Variants in CLEC19A observed in about 807,000 individuals in gnomAD.
The protein encoded by CLEC19A is C-type lectin domain family 19 member A.
In CLEC19A, 21 loss-of-function variants were observed where a neutral mutation model predicts 26.1. The observed-to-expected ratio is 0.80, with a 90% CI of 0.57 to 1.16. The LOEUF (loss-of-function observed/expected upper bound fraction) is 1.16, where lower values mean the gene tolerates loss of function less well. Ranked by LOEUF, CLEC19A falls within the 50% of genes most tolerant of loss-of-function variation. The pLI is 0.00. For synonymous variants in CLEC19A, 89 were observed against 88.6 expected (o/e 1.00, Z -0.03); for missense variants, 224 against 227.6 (o/e 0.98, Z 0.10).
intron 3 of CLEC19A, 80 bp from the exon 4 acceptor site, chr16:19,307,465 C>A: frequency 6.6e-7 from 1 of 1,508,026 alleles, no homozygotes; most frequent in South Asian, 1.2e-5. Context: ...GCTAAGACGT[C>A]TGAGCTGGAG....
Position 19,309,143 on chromosome 16 carries a change from T to C in CLEC19A, c.*60T>C, listed in dbSNP as rs1322913551. 7.9e-7 allele frequency: 1 copy of C among 1,273,578 alleles called. No individual in the cohort carries two copies. Among genetic ancestry groups the C allele is most frequent in the African/African-American group, 1.5e-5 (1 of 67,362 alleles). 78.9% of individuals were successfully genotyped at this position (1,273,578 alleles called of 1,614,324 possible). On this transcript the variant is annotated 3_prime_UTR_variant, in exon 5 of 5. Transcript: ENST00000636231. ...AGTATCATCTTGTAGCTGTAACCAG[T>C]GTAGAATTGACATTGAATACATGTA...
rs1898017401 is a variant in CLEC19A, at chr16:19,309,179, AG to A, written c.*98del. On this transcript the variant is annotated 3_prime_UTR_variant, in exon 5 of 5. Transcript: ENST00000636231. ...CATTGAATACATGTAAAACATACAT[AG>A]GAAGTAAATCTCTTGGACAGAGATT... 2 of 903,672 alleles carry A rather than the reference AG, an allele frequency of 2.2e-6. No homozygotes were observed. Among genetic ancestry groups the A allele is most frequent in the Admixed American group, 2.2e-5 (1 of 45,448 alleles). 56.0% of individuals were successfully genotyped at this position (903,672 alleles called of 1,614,324 possible).
chr16:19,289,735 G>A (rs955418400), intron 1 of CLEC19A, among the ~76,000 whole-genome samples: 2 of 152,214 alleles, frequency 1.3e-5, no homozygotes, highest in Non-Finnish European at 2.9e-5. Flanking sequence ...GTGGCCTCAG[G>A]AGTGGCTCAC....
In CLEC19A at chr16:19,303,455, T is replaced by C. The variant is rs1897877340; in HGVS notation, c.255-607T>C. Among the ~76,000 whole-genome samples, 5 of 152,320 alleles carry C rather than the reference T, an allele frequency of 3.3e-5. No homozygotes were observed. The South Asian group carries it at 1.0e-3, about 32-fold the overall frequency. On this transcript the variant is annotated intron_variant, in intron 2 of 4. Transcript: ENST00000636231. Reference sequence around the variant, plus strand: ...CTGATTCCTTTTGTTGGGTGAATTATTTGATAAGCTCTTTGAAATAGAGGA... The same window carrying C: ...CTGATTCCTTTTGTTGGGTGAATTACTTGATAAGCTCTTTGAAATAGAGGA...
At chr16:19,304,883 A>G (rs892163609) in intron 3 of CLEC19A, 20 of 152,670 alleles carry the variant, frequency 1.3e-4, no homozygotes, top group African/African-American at 4.1e-4. Flanking sequence ...AGAGCCTCAG[A>G]TCACAGCACA....
At chr16:19,289,461 T>G (rs908191981) in intron 1 of CLEC19A, among the ~76,000 whole-genome samples, 48 of 152,208 alleles carry the variant, frequency 3.2e-4, no homozygotes, top group Admixed American at 1.0e-3. Context: ...GAAGATATCT[T>G]TTAGAGGCGC....
At chr16:19,306,758 AC>A (rs1315205863) in intron 3 of CLEC19A, among the ~76,000 whole-genome samples, 9 of 142,794 alleles carry the variant, frequency 6.3e-5, no homozygotes, top group Non-Finnish European at 1.2e-4. Context: ...AGATGTGGAA[AC>A]TGGGGCTCAG....
At chr16:19,288,733 CATT>C (rs1246023751) in intron 1 of CLEC19A, among the ~76,000 whole-genome samples, 1 of 152,188 alleles carries the variant, frequency 6.6e-6, no homozygotes, top group African/African-American at 2.4e-5. Flanking sequence ...GCTACGTAAA[CATT>C]TATTATTCTT....
chr16:19,291,460 T>G (rs971520313), intron 1 of CLEC19A, among the ~76,000 whole-genome samples: 1 of 152,184 alleles, frequency 6.6e-6, no homozygotes, highest in African/African-American at 2.4e-5. Context: ...GGTTTCTTCA[T>G]CTGTGAAGTG....
At chr16:19,297,882 A>G (rs185035557) in intron 1 of CLEC19A, among the ~76,000 whole-genome samples, 125 of 152,300 alleles carry the variant, frequency 8.2e-4, no homozygotes, top group African/African-American at 2.7e-3. Flanking sequence ...GTAGGTATGT[A>G]TATGTTTTTT....
At chr16:19,287,601 C>T (rs1055392970) in intron 1 of CLEC19A, among the ~76,000 whole-genome samples, 1 of 152,114 alleles carries the variant, frequency 6.6e-6, no homozygotes, top group African/African-American at 2.4e-5. Context: ...CTCGTATATC[C>T]CAAGATCTTG....
intron 1 of CLEC19A, among the ~76,000 whole-genome samples, chr16:19,296,169 T>A (rs567476481): frequency 8.7e-4 from 133 of 152,134 alleles, no homozygotes; most frequent in African/African-American, 2.6e-3. Flanking sequence ...GATGGGGAGG[T>A]ACCCCTGGTC....
intron 3 of CLEC19A, chr16:19,304,528 T>C (rs960240106): frequency 2.8e-5 from 5 of 175,982 alleles, no homozygotes; most frequent in Non-Finnish European, 6.1e-5. Context: ...TGGTGAAACC[T>C]CGTCTCTACT....
rs139954275 is a variant in CLEC19A at position 19,299,162 on chromosome 16, T to C, written c.254+324T>C. On this transcript the variant is annotated intron_variant, in intron 2 of 4. Coordinates refer to ENST00000636231, the MANE Select transcript of CLEC19A (RefSeq NM_001256720.2). The stretch of plus-strand genomic sequence containing the variant: ...CATTCAGCAGGGGTAGCAAATAGCA[T>C]GCCAGAAGATCCACCTTTATAAGTG... Among the ~76,000 whole-genome samples the C allele has an allele frequency of 1.0e-3, 153 of 152,342 alleles. No individual in the cohort carries two copies. The East Asian group carries it at 0.023, about 23-fold the overall frequency.
chr16:19,288,041 AGTTT>A (rs1169684855), intron 1 of CLEC19A, among the ~76,000 whole-genome samples: 3 of 152,146 alleles, frequency 2.0e-5, no homozygotes, highest in African/African-American at 7.2e-5. Context: ...GAGAGCTCGC[AGTTT>A]GGAAATGGAA....
chr16:19,300,054 T>C (rs190684562), intron 2 of CLEC19A, among the ~76,000 whole-genome samples: 23 of 151,926 alleles, frequency 1.5e-4, no homozygotes, highest in Non-Finnish European at 2.2e-4. Flanking sequence ...CGAAACCCCA[T>C]CTCTACTAAA....
chr16:19,308,332 A>T (rs542061548), intron 4 of CLEC19A, among the ~76,000 whole-genome samples: 2 of 152,312 alleles, frequency 1.3e-5, no homozygotes, highest in African/African-American at 4.8e-5. Context: ...CTTAATGTGT[A>T]GCCCAAAGAG....
rs1431480334 is a variant in CLEC19A at position 19,310,263 on chromosome 16, G to A, written c.*1180G>A. ...GAGAGAGGATCACTTGAGCCCAGGAGTTGAAGATCAGCCTGGGCAACATAG... is the reference window on the plus strand; with the variant it reads ...GAGAGAGGATCACTTGAGCCCAGGAATTGAAGATCAGCCTGGGCAACATAG... On this transcript the variant is annotated 3_prime_UTR_variant, in exon 5 of 5. Transcript: ENST00000636231. 1 of 151,756 alleles carries A rather than the reference G, an allele frequency of 6.6e-6. No individual in the cohort carries two copies. The highest frequency in any genetic ancestry group is 1.5e-5 in the Non-Finnish European group (1 of 67,946). The allele number at this position is 151,756 out of a possible 1,614,324, so 9.4% of individuals were successfully genotyped here.
chr16:19,310,712 A>G lies in CLEC19A; in HGVS notation c.*1629A>G, dbSNP rs1241731252. On this transcript the variant is annotated 3_prime_UTR_variant, in exon 5 of 5. Coordinates refer to ENST00000636231, the MANE Select transcript of CLEC19A (RefSeq NM_001256720.2). Reference sequence around the variant, plus strand: ...GACCACATGTTGTATGATTCCATATATATGAAATATCCAGAATAGGCAAGT... The same window carrying G: ...GACCACATGTTGTATGATTCCATATGTATGAAATATCCAGAATAGGCAAGT... The G allele has an allele frequency of 6.6e-6, 1 of 152,224 alleles. No homozygotes were observed. Among genetic ancestry groups the G allele is most frequent in the Admixed American group, 6.5e-5 (1 of 15,284 alleles). The allele number at this position is 152,224 out of a possible 1,614,324, so 9.4% of individuals were successfully genotyped here. A position where few individuals can be genotyped will look rare whatever the true frequency, so the allele number is the denominator to read the frequency against.
Sources: allele counts gnomAD v4.1 joint callset (sites outside exome capture counted in the v4.1 genomes callset), GRCh38; gene constraint gnomAD v4.1.1; transcripts MANE v1.5; gene names NCBI Gene and HGNC (gene_info 2026-07-23, HGNC 2026-07-21).